The following NYAP2 variants were observed in gnomAD, a reference collection of about 807,000 sequenced individuals.
The protein encoded by NYAP2 is neuronal tyrosine-phosphorylated phosphoinositide-3-kinase adapter 2.
In NYAP2, 23 loss-of-function variants were observed where a neutral mutation model predicts 50.4. The ratio of observed to expected loss-of-function variants is 0.46; its 90% CI spans 0.33 to 0.65. The LOEUF is 0.65. NYAP2 is among the 30% of genes least tolerant of loss of function. The pLI is 0.02. For synonymous variants in NYAP2, 394 were observed against 365.2 expected (o/e 1.08, Z -0.90); for missense variants, 885 against 861.0 (o/e 1.03, Z -0.35).
At chr2:225,551,585 G>A (rs1055853848) in intron 4 of NYAP2, among the ~76,000 whole-genome samples, 2 of 152,158 alleles carry the variant, frequency 1.3e-5, no homozygotes, top group Non-Finnish European at 2.9e-5. Flanking sequence ...TAGCAGAAAA[G>A]TGACACTGTA....
At chr2:225,627,208 T>C (rs1693226020) in intron 6 of NYAP2, 82 bp downstream of exon 6, 1 of 1,028,822 alleles carries the variant, frequency 9.7e-7, no homozygotes, top group African/African-American at 1.6e-5. Flanking sequence ...TACAGAATTA[T>C]CACCACAGAT....
chr2:225,595,943 G>A (rs1692589554), intron 5 of NYAP2, among the ~76,000 whole-genome samples: 1 of 152,090 alleles, frequency 6.6e-6, no homozygotes, highest in African/African-American at 2.4e-5. Context: ...TTGGGCTCTG[G>A]TTCTAGCATT....
chr2:225,455,421 ATT>A (rs1689724708), intron 3 of NYAP2, among the ~76,000 whole-genome samples: 1 of 152,240 alleles, frequency 6.6e-6, no homozygotes. Flanking sequence ...ACAATATACT[ATT>A]TAATGCCAAA....
chr2:225,463,661 G>C (rs775095486), intron 3 of NYAP2, among the ~76,000 whole-genome samples: 2 of 152,188 alleles, frequency 1.3e-5, no homozygotes, highest in Non-Finnish European at 1.5e-5. Flanking sequence ...AAATGACTTC[G>C]GTCAAATCAT....
intron 5 of NYAP2, among the ~76,000 whole-genome samples, chr2:225,602,217 G>C (rs1692703876): frequency 6.6e-6 from 1 of 152,200 alleles, no homozygotes; most frequent in African/African-American, 2.4e-5. Flanking sequence ...AAATGTGAAG[G>C]CTTCGCCTGG....
At chr2:225,606,891 G>A (rs964946200) in intron 5 of NYAP2, among the ~76,000 whole-genome samples, 11 of 151,616 alleles carry the variant, frequency 7.3e-5, no homozygotes, top group South Asian at 2.1e-4. Flanking sequence ...TCTGTATTTC[G>A]GCTGTCTGAT....
chr2:225,696,663 A>G, the NYAP2 span, among the ~76,000 whole-genome samples: 1 of 151,886 alleles, frequency 6.6e-6, no homozygotes, highest in Non-Finnish European at 1.5e-5. Flanking sequence ...TTCCTCATCT[A>G]TGCATAGGGT....
chr2:225,634,494 G>A (rs1027274094), intron 6 of NYAP2, among the ~76,000 whole-genome samples: 1 of 152,000 alleles, frequency 6.6e-6, no homozygotes, highest in African/African-American at 2.4e-5. Context: ...TATCCAAGAG[G>A]AGTCTTGTAC....
At chr2:225,533,649 A>G (rs1256955270) in intron 4 of NYAP2, among the ~76,000 whole-genome samples, 3 of 152,088 alleles carry the variant, frequency 2.0e-5, no homozygotes, top group Non-Finnish European at 2.9e-5. Context: ...AGATCGCACC[A>G]CTACACTCCA....
intron 4 of NYAP2, among the ~76,000 whole-genome samples, chr2:225,568,960 T>G (rs1692013983): frequency 6.6e-6 from 1 of 152,224 alleles, no homozygotes; most frequent in African/African-American, 2.4e-5. Context: ...AAACTTTATT[T>G]TAATGTGCAT....
intron 3 of NYAP2, among the ~76,000 whole-genome samples, chr2:225,460,925 G>A (rs1033989326): frequency 2.7e-5 from 4 of 150,442 alleles, no homozygotes; most frequent in Non-Finnish European, 5.9e-5. Context: ...CCTGGGAGGC[G>A]GAGCTTGCAG....
chr2:225,577,652 T>G (rs1312417931), intron 4 of NYAP2, among the ~76,000 whole-genome samples: 1 of 152,122 alleles, frequency 6.6e-6, no homozygotes, highest in African/African-American at 2.4e-5. Context: ...ACCAGATGAT[T>G]CATGGAAAAT....
intron 5 of NYAP2, among the ~76,000 whole-genome samples, chr2:225,594,505 A>C (rs1043343871): frequency 6.6e-5 from 10 of 152,158 alleles, no homozygotes; most frequent in Admixed American, 6.5e-4. Context: ...CCTGGGTGAC[A>C]CAGTGAGACT....
chr2:225,450,509 A>G (rs781374656), intron 3 of NYAP2, among the ~76,000 whole-genome samples: 7 of 152,194 alleles, frequency 4.6e-5, no homozygotes, highest in Non-Finnish European at 8.8e-5. Context: ...ATAGTGGTGA[A>G]CAAAACACAC....
At chr2:225,698,167 A>C in the NYAP2 span, 1 of 151,966 alleles carries the variant, frequency 6.6e-6, no homozygotes, top group Non-Finnish European at 1.5e-5. Context: ...TGAGGGTGAG[A>C]CCTTGTCTAA....
intron 4 of NYAP2, among the ~76,000 whole-genome samples, chr2:225,555,943 C>T (rs1196099341): frequency 2.6e-5 from 4 of 152,116 alleles, no homozygotes; most frequent in Non-Finnish European, 5.9e-5. Flanking sequence ...ACACTATACC[C>T]CATCAGTTCT....
At chr2:225,552,002 G>T (rs1424953326) in intron 4 of NYAP2, among the ~76,000 whole-genome samples, 1 of 152,072 alleles carries the variant, frequency 6.6e-6, no homozygotes, top group Admixed American at 6.5e-5. Flanking sequence ...TAGTAAAGAC[G>T]GGGTTTTACT....
chr2:225,534,668 G>A (rs2106199314), intron 4 of NYAP2, among the ~76,000 whole-genome samples: 1 of 152,298 alleles, frequency 6.6e-6, no homozygotes, highest in Non-Finnish European at 1.5e-5. Context: ...TATTGTATCA[G>A]TCTAGGCCCG....
chr2:225,443,589 C>A (rs1689505546), intron 3 of NYAP2, among the ~76,000 whole-genome samples: 1 of 151,790 alleles, frequency 6.6e-6, no homozygotes, highest in Admixed American at 6.6e-5. Context: ...GGCAACAGAG[C>A]AAGACTCTGT....
Sources: allele counts gnomAD v4.1 joint callset (sites outside exome capture counted in the v4.1 genomes callset), GRCh38; gene constraint gnomAD v4.1.1; transcripts MANE v1.5; gene names NCBI Gene and HGNC (gene_info 2026-07-23, HGNC 2026-07-21).